Variants in ADAMTS6 observed in about 807,000 individuals in gnomAD.
The protein encoded by ADAMTS6 is ADAM metallopeptidase with thrombospondin type 1 motif 6.
Under a neutral mutation model 144.3 loss-of-function variants are expected in ADAMTS6, and 23 were observed. That is an observed-to-expected ratio of 0.16 (90% CI 0.11 to 0.23). The LOEUF (loss-of-function observed/expected upper bound fraction) is 0.23, where lower values mean the gene tolerates loss of function less well. ADAMTS6 is among the 10% of genes least tolerant of loss of function. ADAMTS6 has a pLI of 1.00. For synonymous variants in ADAMTS6, 444 were observed against 457.5 expected (o/e 0.97, Z 0.38); for missense variants, 999 against 1,379.6 (o/e 0.72, Z 4.37).
At chr5:65,194,886 T>C (rs1755237183) in intron 21 of ADAMTS6, among the ~76,000 whole-genome samples, 1 of 152,162 alleles carries the variant, frequency 6.6e-6, no homozygotes, top group African/African-American at 2.4e-5. Context: ...CCTTAAACTG[T>C]TAAAAAACAA....
chr5:65,362,682 C>A (rs952052758), intron 7 of ADAMTS6, among the ~76,000 whole-genome samples: 3 of 152,154 alleles, frequency 2.0e-5, no homozygotes, highest in Non-Finnish European at 4.4e-5. Context: ...TTATTGGGCT[C>A]AATTCTTTCC....
chr5:65,457,745 CTTTT>C (rs1180960588), intron 4 of ADAMTS6, among the ~76,000 whole-genome samples: 4 of 97,438 alleles, frequency 4.1e-5, no homozygotes, highest in East Asian at 2.8e-4. Context: ...TTCTTTCTTT[CTTTT>C]TTTTTTTTTT....
At chr5:65,187,654 G>A (rs1204283939) in intron 22 of ADAMTS6, among the ~76,000 whole-genome samples, 1 of 152,076 alleles carries the variant, frequency 6.6e-6, no homozygotes, top group Non-Finnish European at 1.5e-5. Flanking sequence ...GGGTAAGAAA[G>A]GTTCTTGACT....
chr5:65,208,659 C>T (rs1011107909), intron 20 of ADAMTS6, among the ~76,000 whole-genome samples: 2 of 152,096 alleles, frequency 1.3e-5, no homozygotes, highest in Non-Finnish European at 2.9e-5. Context: ...CATTGCCTAT[C>T]TTATGGAGCT....
chr5:65,185,195 C>T (rs1448775345), intron 22 of ADAMTS6, among the ~76,000 whole-genome samples: 1 of 152,220 alleles, frequency 6.6e-6, no homozygotes, highest in Non-Finnish European at 1.5e-5. Flanking sequence ...ACAATAGCTA[C>T]TCAGACATCT....
Position 65,466,681 on chromosome 5 carries a change from C to T in ADAMTS6, c.462+4097G>A, listed in dbSNP as rs184043062. 9.5e-4 allele frequency among the ~76,000 whole-genome samples: 145 copies of T among 152,246 alleles called. 1 individual carries two copies. Among genetic ancestry groups the T allele is most frequent in the African/African-American group, 3.4e-3 (142 of 41,558 alleles). ...CAGAAAGTCTAATGGGATCATTGAG[C>T]TTTTCTAACTAGCTATATGGTCTTT... is the stretch of plus-strand genomic sequence containing the variant. On this transcript the variant is annotated intron_variant, in intron 3 of 24. Transcript: ENST00000381055.
intron 15 of ADAMTS6, among the ~76,000 whole-genome samples, chr5:65,231,185 G>A (rs974882949): frequency 2.0e-5 from 3 of 151,592 alleles, no homozygotes; most frequent in African/African-American, 7.3e-5. Flanking sequence ...GTTAAGTGAT[G>A]GGAAAATATA....
chr5:65,340,586 A>C (rs1580439147), intron 7 of ADAMTS6, among the ~76,000 whole-genome samples: 1 of 152,034 alleles, frequency 6.6e-6, no homozygotes, highest in Non-Finnish European at 1.5e-5. Context: ...TGATCGATAA[A>C]ATTACAGGAA....
At chr5:65,368,699 A>G (rs1750535837) in intron 7 of ADAMTS6, among the ~76,000 whole-genome samples, 3 of 152,218 alleles carry the variant, frequency 2.0e-5, no homozygotes, top group African/African-American at 7.2e-5. Flanking sequence ...CATCAATGTT[A>G]TTGTGAAGCC....
chr5:65,257,286 C>T (rs1458405364), intron 14 of ADAMTS6, among the ~76,000 whole-genome samples: 2 of 152,094 alleles, frequency 1.3e-5, no homozygotes, highest in Non-Finnish European at 2.9e-5. Context: ...AAGTTAGGCA[C>T]ACACTCCCAT....
intron 24 of ADAMTS6, among the ~76,000 whole-genome samples, chr5:65,163,808 C>T (rs745521256): frequency 2.0e-5 from 3 of 152,214 alleles, no homozygotes; most frequent in Non-Finnish European, 4.4e-5. Flanking sequence ...TAAACTTCTG[C>T]ACTATGCCAT....
chr5:65,243,526 C>T (rs764017533), intron 14 of ADAMTS6, among the ~76,000 whole-genome samples: 5 of 152,110 alleles, frequency 3.3e-5, no homozygotes, highest in Admixed American at 6.6e-5. Flanking sequence ...TAAAATATGA[C>T]ATTCCAATGC....
At chr5:65,452,501 C>G (rs907314271) in intron 5 of ADAMTS6, among the ~76,000 whole-genome samples, 1 of 149,250 alleles carries the variant, frequency 6.7e-6, no homozygotes, top group African/African-American at 2.5e-5. Context: ...TTTAACAATC[C>G]ACTAAAACTG....
At chr5:65,245,149 A>G (rs1379577609) in intron 14 of ADAMTS6, among the ~76,000 whole-genome samples, 1 of 152,120 alleles carries the variant, frequency 6.6e-6, no homozygotes, top group African/African-American at 2.4e-5. Flanking sequence ...GCACTTAATA[A>G]TTATTAGCAG....
chr5:65,338,884 ACAT>A (rs1300352961), intron 7 of ADAMTS6, among the ~76,000 whole-genome samples: 1 of 151,988 alleles, frequency 6.6e-6, no homozygotes, highest in Non-Finnish European at 1.5e-5. Flanking sequence ...AGCCAGCTGA[ACAT>A]CCTTATGCCT....
intron 7 of ADAMTS6, among the ~76,000 whole-genome samples, chr5:65,410,868 C>T (rs1360310224): frequency 6.6e-6 from 1 of 152,180 alleles, no homozygotes; most frequent in African/African-American, 2.4e-5. Context: ...TTTAGGAACT[C>T]ATTCTGTCAC....
rs1045693919 is a variant in ADAMTS6, at chr5:65,259,912, G to C, written c.1830+688C>G. ...ATTAAAAGCTGTGGTTTTTAGATAG[G>C]GGGAGGAAGAGTGATCTGGAGGAGT... is the stretch of plus-strand genomic sequence containing the variant. On this transcript the variant is annotated intron_variant, in intron 14 of 24. Coordinates refer to ENST00000381055, the MANE Select transcript of ADAMTS6 (RefSeq NM_197941.4). 3.9e-5 allele frequency among the ~76,000 whole-genome samples: 6 copies of C among 152,126 alleles called. No homozygotes were observed. In the East Asian group the frequency reaches 9.7e-4, roughly 24 times the overall value.
At chr5:65,157,521 C>A (rs1752503912) in intron 24 of ADAMTS6, among the ~76,000 whole-genome samples, 1 of 152,206 alleles carries the variant, frequency 6.6e-6, no homozygotes, top group Non-Finnish European at 1.5e-5. Flanking sequence ...GTTGGACCAT[C>A]AGCATCTCTC....
intron 7 of ADAMTS6, among the ~76,000 whole-genome samples, chr5:65,337,469 C>T (rs937180144): frequency 6.6e-6 from 1 of 151,864 alleles, no homozygotes; most frequent in African/African-American, 2.4e-5. Context: ...TCTTTCCTTT[C>T]CCACAAACTA....
Sources: gnomAD v4.1 joint callset for allele counts (sites outside exome capture counted in the v4.1 genomes callset) on GRCh38, gnomAD v4.1.1 for gene constraint, MANE v1.5 for transcripts, NCBI Gene and HGNC (gene_info 2026-07-23, HGNC 2026-07-21) for gene names.